LRRK2: variants seen among roughly 807,000 people sequenced by gnomAD.
LRRK2 encodes the protein leucine-rich repeat serine/threonine-protein kinase 2.
A neutral mutation model predicts 302.6 loss-of-function variants in LRRK2; 203 were observed. That is an observed-to-expected ratio of 0.67 (90% confidence interval 0.60 to 0.75). The LOEUF (loss-of-function observed/expected upper bound fraction) is 0.75. Among genes scored for constraint, LRRK2 ranks in the 30% least tolerant of loss-of-function variants. The pLI, the probability that LRRK2 is intolerant of heterozygous loss-of-function variation, is 0.00. For synonymous variants in LRRK2, 1,066 were observed against 1,031.9 expected, an observed-to-expected ratio of 1.03 and a Z score of -0.63; for missense variants, 2,830 against 2,951.0, an observed-to-expected ratio of 0.96 and a Z score of 0.95.
chr12:40,246,103 TA>T (rs1476942667), intron 7 of LRRK2, among the ~76,000 whole-genome samples: 4 of 152,048 alleles, frequency 2.6e-5, no homozygotes, highest in East Asian at 1.9e-4. Context: ...TTTAAACTTT[TA>T]AAAAAAATTT....
Position 40,308,707 on chromosome 12 carries a change from C to G in LRRK2, c.4189+11C>G. On this transcript the variant is annotated intron_variant, in intron 29 of 50. Coordinates refer to ENST00000298910, the MANE Select transcript of LRRK2 (RefSeq NM_198578.4). ...TGTGGGATTTTGCAGGTATTTCTTTCTATAGAATTTTAAAATTCACTTTTA... is the reference window on the plus strand; with the variant it reads ...TGTGGGATTTTGCAGGTATTTCTTTGTATAGAATTTTAAAATTCACTTTTA... 6.2e-7 allele frequency: 1 copy of G among 1,609,836 alleles called. No homozygotes were observed.
chr12:40,355,990 A>C lies in LRRK2; in HGVS notation c.6771-125A>C, dbSNP rs530155593. Reference sequence around the variant, plus strand: ...CTTCTAAAGTAAATACTCTAAGAAAAGGGAGGTTAGGAATTTATAGTTGAG... The same window carrying C: ...CTTCTAAAGTAAATACTCTAAGAAACGGGAGGTTAGGAATTTATAGTTGAG... On this transcript the variant is annotated intron_variant, in intron 45 of 50. Transcript: ENST00000298910. The C allele has an allele frequency of 3.8e-5, 25 of 650,126 alleles. 2 individuals carry two copies. In the South Asian group the frequency reaches 4.4e-4, roughly 11 times the overall value. 40.3% of individuals were successfully genotyped at this position (650,126 alleles called of 1,614,324 possible).
At chr12:40,272,740 T>C (rs1943283335) in intron 14 of LRRK2, among the ~76,000 whole-genome samples, 1 of 152,096 alleles carries the variant, frequency 6.6e-6, no homozygotes, top group Admixed American at 6.6e-5. Context: ...GTCATGGAAA[T>C]TAAGGGATGA....
At chr12:40,342,697 C>G (rs1946082481) in intron 41 of LRRK2, among the ~76,000 whole-genome samples, 1 of 152,184 alleles carries the variant, frequency 6.6e-6, no homozygotes, top group Non-Finnish European at 1.5e-5. Flanking sequence ...CCCTCTCATA[C>G]AATTTCAGTT....
intron 7 of LRRK2, among the ~76,000 whole-genome samples, chr12:40,246,979 C>T (rs911927447): frequency 2.6e-5 from 4 of 152,064 alleles, no homozygotes; most frequent in Non-Finnish European, 4.4e-5. Context: ...AAGGAATGAT[C>T]GTTAACTGTT....
intron 4 of LRRK2, among the ~76,000 whole-genome samples, chr12:40,237,271 A>G (rs945908819): frequency 8.5e-5 from 13 of 152,190 alleles, no homozygotes; most frequent in Non-Finnish European, 1.5e-4. Context: ...AGTAGATTCC[A>G]GCAAGGGATT....
chr12:40,326,635 A>G (rs540393439), intron 38 of LRRK2, among the ~76,000 whole-genome samples: 1 of 152,190 alleles, frequency 6.6e-6, no homozygotes, highest in South Asian at 2.1e-4. Flanking sequence ...AGATGCATCT[A>G]TATGTTTCCA....
At chr12:40,359,597 T>G (rs575470477) in intron 47 of LRRK2, among the ~76,000 whole-genome samples, 153 bp downstream of exon 47, 1 of 152,256 alleles carries the variant, frequency 6.6e-6, no homozygotes, top group South Asian at 2.1e-4. Context: ...TTATAAAAAA[T>G]TTTGAAAATT....
At chr12:40,265,512 T>C (rs1942970671) in intron 14 of LRRK2, among the ~76,000 whole-genome samples, 1 of 151,914 alleles carries the variant, frequency 6.6e-6, no homozygotes, top group Non-Finnish European at 1.5e-5. Flanking sequence ...TTTGTGGGAG[T>C]TGTACATGAT....
intron 7 of LRRK2, among the ~76,000 whole-genome samples, chr12:40,248,827 C>A (rs1477736391): frequency 1.3e-5 from 2 of 152,086 alleles, no homozygotes; most frequent in African/African-American, 4.8e-5. Flanking sequence ...ATGGGGACAA[C>A]CCAAGTTTAG....
chr12:40,277,756 A>G, intron 16 of LRRK2, 132 bp from the exon 17 acceptor site: 2 of 824,252 alleles, frequency 2.4e-6, no homozygotes, highest in South Asian at 3.4e-5. Context: ...ACTTTAAAGC[A>G]CCAACCCAAT....
At chr12:40,275,900 A>G (rs1194201991) in intron 16 of LRRK2, among the ~76,000 whole-genome samples, 1 of 151,970 alleles carries the variant, frequency 6.6e-6, no homozygotes, top group Non-Finnish European at 1.5e-5. Context: ...GTGTGAGCCA[A>G]GGTGCCCAGC....
chr12:40,360,899 C>T (rs1342500285), intron 47 of LRRK2, among the ~76,000 whole-genome samples: 2 of 152,004 alleles, frequency 1.3e-5, no homozygotes, highest in East Asian at 3.9e-4. Flanking sequence ...GTCCAAGCAC[C>T]ACTTGCTCTG....
intron 39 of LRRK2, 123 bp downstream of exon 39, chr12:40,328,583 C>A: frequency 2.7e-6 from 2 of 731,288 alleles, no homozygotes; most frequent in Admixed American, 2.7e-5. Context: ...TTTAATTATG[C>A]AATCCTAGTT....
chr12:40,237,940 C>G, intron 4 of LRRK2, 29 bp from the exon 5 acceptor site: 2 of 1,597,350 alleles, frequency 1.3e-6, no homozygotes, highest in Non-Finnish European at 1.7e-6. Context: ...CAGCTCTTTA[C>G]TCAGAGCATA....
At chr12:40,284,376 C>T (rs1234145610) in intron 19 of LRRK2, among the ~76,000 whole-genome samples, 1 of 149,184 alleles carries the variant, frequency 6.7e-6, no homozygotes, top group Non-Finnish European at 1.5e-5. Flanking sequence ...TGAAGGGGTA[C>T]TTTTTAATAT....
intron 8 of LRRK2, among the ~76,000 whole-genome samples, 189 bp downstream of exon 8, chr12:40,250,134 G>A (rs745801506): frequency 6.6e-6 from 1 of 152,182 alleles, no homozygotes; most frequent in Non-Finnish European, 1.5e-5. Context: ...TCTCAATGTA[G>A]AGTTTTGCTT....
At position 40,232,329 on chromosome 12, in the gene LRRK2, G is replaced by T; in HGVS notation, c.293G>T (p.Ser98Ile). The change falls in exon 3 of 51, where the codon AGC becomes ATC. Residue 98 changes from serine (S) to isoleucine (I), a missense_variant. This residue lies in a region of LRRK2 where 2,121 missense variants were observed against 2,148.0 expected (regional missense o/e 0.99). Coordinates refer to ENST00000298910, the MANE Select transcript of LRRK2 (RefSeq NM_198578.4). ...LIEVCPGTMQ[S>I]LMGPQDVGND... ...GAAGTCTGTCCAGGTACAATGCAAA[G>T]CTTAATGGGACCCCAGGATGTTGGA... The T allele has an allele frequency of 5.0e-6, 8 of 1,614,150 alleles. No homozygotes were observed. Among genetic ancestry groups the T allele is most frequent in the Non-Finnish European group, 6.8e-6 (8 of 1,180,014 alleles).
At chr12:40,347,440 CCACAAAA>C (rs1946219851) in intron 42 of LRRK2, among the ~76,000 whole-genome samples, 4 of 152,162 alleles carry the variant, frequency 2.6e-5, no homozygotes, top group African/African-American at 7.2e-5. Context: ...TTAGTTCTCA[CCACAAAA>C]TAACATTTTA....
Sources: allele counts gnomAD v4.1 joint callset (sites outside exome capture counted in the v4.1 genomes callset), GRCh38; gene constraint gnomAD v4.1.1; regional missense constraint gnomAD v4.1.1; transcripts MANE v1.5; gene names NCBI Gene and HGNC (gene_info 2026-07-23, HGNC 2026-07-21).